Variants in PPP4R3A observed in about 807,000 individuals in gnomAD.
The protein encoded by PPP4R3A is serine/threonine-protein phosphatase 4 regulatory subunit 3A.
Under a neutral mutation model 91.7 loss-of-function variants are expected in PPP4R3A, and 15 were observed. The observed-to-expected ratio is 0.16, with a 90% CI of 0.11 to 0.25. The LOEUF (loss-of-function observed/expected upper bound fraction) is 0.25, where lower values mean the gene tolerates loss of function less well. Ranked by LOEUF, PPP4R3A falls within the 10% of genes least tolerant of loss-of-function variation. The pLI is 1.00. For missense variants in PPP4R3A, 623 were observed against 998.4 expected, an observed-to-expected ratio of 0.62 and a Z score of 5.07; for synonymous variants, 377 against 348.7, an observed-to-expected ratio of 1.08 and a Z score of -0.91.
At chr14:91,510,439 C>G (rs1176925930), upstream of PPP4R3A, 1 of 152,744 alleles carries the variant, frequency 6.5e-6, no homozygotes, top group African/African-American at 2.4e-5. Context: ...GCGGAGTTGC[C>G]GAGGTGGCGG....
rs765603708 is a variant in PPP4R3A, at chr14:91,465,433, G to T, written c.1661-14C>A. On this transcript the variant is annotated splice_polypyrimidine_tract_variant and intron_variant, in intron 10 of 14. Transcript: ENST00000554943. ...AACGAAGGGCACCTGAAACACAGAG[G>T]CATGGTTGTTTAAATCACATACCAC... The T allele has an allele frequency of 3.2e-6, 5 of 1,563,126 alleles. No individual in the cohort carries two copies. Among genetic ancestry groups the T allele is most frequent in the South Asian group, 2.5e-5 (2 of 81,468 alleles).
At chr14:91,497,520 G>C (rs763434341) in intron 1 of PPP4R3A, among the ~76,000 whole-genome samples, 3 of 152,150 alleles carry the variant, frequency 2.0e-5, no homozygotes, top group Non-Finnish European at 4.4e-5. Flanking sequence ...TGAAAATCAA[G>C]AGAGTGCTCA....
intron 9 of PPP4R3A, among the ~76,000 whole-genome samples, chr14:91,472,156 A>C (rs1184106954): frequency 6.6e-6 from 1 of 152,008 alleles, no homozygotes; most frequent in Non-Finnish European, 1.5e-5. Flanking sequence ...TAGACCTAAA[A>C]CTACCTCCTA....
Position 91,499,820 on chromosome 14 carries a change from C to CA in PPP4R3A, c.143-9019dup, listed in dbSNP as rs3993928. On this transcript the variant is annotated intron_variant, in intron 1 of 14. Coordinates refer to ENST00000554943, the MANE Select transcript of PPP4R3A (RefSeq NM_001366432.2). Reference sequence around the variant, plus strand: ...TGGGTGACAGAGCGAGACTCCACCTCAAAAAAAAAAAAAAAAAAAAAGTTC... The same window carrying CA: ...TGGGTGACAGAGCGAGACTCCACCTCAAAAAAAAAAAAAAAAAAAAAAGTTC... Among the ~76,000 whole-genome samples, 796 of 120,364 alleles carry CA rather than the reference C, an allele frequency of 6.6e-3. 4 individuals carry two copies. Among genetic ancestry groups the CA allele is most frequent in the African/African-American group, 0.016 (490 of 31,390 alleles). 79.0% of individuals were successfully genotyped at this position (120,364 alleles called of 152,430 possible). A position where few individuals can be genotyped will look rare whatever the true frequency, so the allele number is the denominator to read the frequency against.
At chr14:91,485,977 G>A (rs538164495) in intron 2 of PPP4R3A, among the ~76,000 whole-genome samples, 1 of 152,122 alleles carries the variant, frequency 6.6e-6, no homozygotes, top group South Asian at 2.1e-4. Flanking sequence ...TTCATGCATT[G>A]CAAAAGATAA....
At chr14:91,507,342 T>G (rs115054495) in intron 1 of PPP4R3A, among the ~76,000 whole-genome samples, 45,311 of 110,580 alleles carry the variant, frequency 0.41, 11,197 homozygotes, top group Non-Finnish European at 0.43. Context: ...TCTATACATA[T>G]TATATATACT....
At chr14:91,465,104 C>A (rs2064965) in intron 11 of PPP4R3A, 146 bp downstream of exon 11, 571,011 of 665,210 alleles carry the variant, frequency 0.86, 245,939 homozygotes, top group East Asian at 0.97. Flanking sequence ...TGTAGCTTGA[C>A]TCAAATCTCT....
intron 14 of PPP4R3A, among the ~76,000 whole-genome samples, chr14:91,459,749 C>T (rs1276951392): frequency 1.3e-5 from 2 of 151,546 alleles, no homozygotes; most frequent in Non-Finnish European, 2.9e-5. Context: ...GCACAAGAAT[C>T]GCTTTAATCT....
At chr14:91,487,618 T>C (rs1252797104) in intron 2 of PPP4R3A, among the ~76,000 whole-genome samples, 7 of 152,242 alleles carry the variant, frequency 4.6e-5, no homozygotes, top group Non-Finnish European at 1.0e-4. Flanking sequence ...GGTTCCTGTA[T>C]TGAGAAGGAA....
At chr14:91,495,301 A>AGTGTGTGTGTGTGTGTGTGTGT (rs1163043476) in intron 1 of PPP4R3A, among the ~76,000 whole-genome samples, 6 of 24,948 alleles carry the variant, frequency 2.4e-4, no homozygotes, top group African/African-American at 9.4e-4. Flanking sequence ...CCAGATACAT[A>AGTGTGTGTGTGTGTGTGTGTGT]ATGTGTGTGT....
At chr14:91,472,929 C>T in intron 9 of PPP4R3A, 104 bp downstream of exon 9, 1 of 961,724 alleles carries the variant, frequency 1.0e-6, no homozygotes, top group Non-Finnish European at 1.6e-6. Flanking sequence ...GTCCTCCCAG[C>T]CTCTACCTCC....
At chr14:91,483,772 A>G (rs1409211444) in intron 3 of PPP4R3A, among the ~76,000 whole-genome samples, 2 of 152,244 alleles carry the variant, frequency 1.3e-5, no homozygotes, top group African/African-American at 2.4e-5. Context: ...AAACTATATA[A>G]AAGTTGAAAG....
In PPP4R3A at chr14:91,477,706, TG is replaced by T. The variant is rs565994890; in HGVS notation, c.916-721del. Among the ~76,000 whole-genome samples the T allele has an allele frequency of 2.0e-3, 297 of 152,304 alleles. 1 individual carries two copies. Among genetic ancestry groups the T allele is most frequent in the African/African-American group, 6.9e-3 (287 of 41,566 alleles). ...GCTCTGTCACCCAGGTAGAGCACAG[TG>T]GTGCCATCTCGGCTCACTGCAACCT... On this transcript the variant is annotated intron_variant, in intron 4 of 14. Transcript: ENST00000554943.
chr14:91,490,215 T>A (rs1189873408), intron 2 of PPP4R3A, among the ~76,000 whole-genome samples: 1 of 152,234 alleles, frequency 6.6e-6, no homozygotes, highest in Non-Finnish European at 1.5e-5. Flanking sequence ...ATTTACTTTC[T>A]AATATTTTTT....
intron 1 of PPP4R3A, among the ~76,000 whole-genome samples, chr14:91,497,531 A>T (rs1426769934): frequency 1.3e-5 from 2 of 152,206 alleles, no homozygotes; most frequent in Non-Finnish European, 2.9e-5. Context: ...AGAGTGCTCA[A>T]GCTAAGTGGA....
intron 3 of PPP4R3A, among the ~76,000 whole-genome samples, chr14:91,482,696 T>C (rs971188914): frequency 6.6e-6 from 1 of 152,102 alleles, no homozygotes; most frequent in Non-Finnish European, 1.5e-5. Context: ...ACAGAAAATA[T>C]ATATAATTAT....
intron 1 of PPP4R3A, among the ~76,000 whole-genome samples, chr14:91,501,704 T>C (rs1350140335): frequency 2.4e-5 from 3 of 125,634 alleles, no homozygotes; most frequent in Non-Finnish European, 4.9e-5. Context: ...GAGACTAAAG[T>C]GTGCTTTTTT....
rs552017374 is a variant in PPP4R3A, at chr14:91,498,653, G to A, written c.143-7851C>T. 2.0e-5 allele frequency among the ~76,000 whole-genome samples: 3 copies of A among 151,870 alleles called. No individual in the cohort carries two copies. In the East Asian group the frequency reaches 5.9e-4, roughly 30 times the overall value. On this transcript the variant is annotated intron_variant, in intron 1 of 14. Coordinates refer to ENST00000554943, the MANE Select transcript of PPP4R3A (RefSeq NM_001366432.2). ...TTTTTGGCTGGGCGCAGTGGCTCACGCTTGTAATCCCAGCACTTTGGGAGG... is the reference window on the plus strand; with the variant it reads ...TTTTTGGCTGGGCGCAGTGGCTCACACTTGTAATCCCAGCACTTTGGGAGG...
chr14:91,461,370 C>A lies in PPP4R3A; in HGVS notation c.2391+11G>T, dbSNP rs534057398. On this transcript the variant is annotated intron_variant, in intron 14 of 14. Coordinates refer to ENST00000554943, the MANE Select transcript of PPP4R3A (RefSeq NM_001366432.2). Reference sequence around the variant, plus strand: ...GGAAAAAAGGGGGCAAAATGGGAGTCAAGAATGTACCTTTGTAGTAATAGC... The same window carrying A: ...GGAAAAAAGGGGGCAAAATGGGAGTAAAGAATGTACCTTTGTAGTAATAGC... 21 of 1,593,284 alleles carry A rather than the reference C, an allele frequency of 1.3e-5. No individual in the cohort carries two copies. The highest frequency in any genetic ancestry group is 4.5e-5 in the East Asian group (2 of 44,266).
Sources: allele counts gnomAD v4.1 joint callset (sites outside exome capture counted in the v4.1 genomes callset), GRCh38; gene constraint gnomAD v4.1.1; transcripts MANE v1.5; gene names NCBI Gene and HGNC (gene_info 2026-07-23, HGNC 2026-07-21).